CSMD1: variants seen among roughly 807,000 people sequenced by gnomAD.
The protein encoded by CSMD1 is CUB and Sushi multiple domains 1.
In CSMD1, 213 loss-of-function variants were observed where a neutral mutation model predicts 417.5. That is an observed-to-expected ratio of 0.51 (90% CI 0.46 to 0.57). The LOEUF is 0.57. Ranked by LOEUF, CSMD1 falls within the 20% of genes least tolerant of loss-of-function variation. The probability of loss-of-function intolerance (pLI) is 0.00; values close to 1 mark genes in which losing one functional copy is unlikely to be tolerated. For missense variants in CSMD1, 6,923 were observed against 4,529.7 expected, an observed-to-expected ratio of 1.53 and a Z score of -15.17; for synonymous variants, 2,862 against 1,736.8, an observed-to-expected ratio of 1.65 and a Z score of -16.11.
intron 1 of CSMD1, among the ~76,000 whole-genome samples, chr8:4,803,982 G>A (rs1407895375): frequency 6.6e-6 from 1 of 152,170 alleles, no homozygotes; most frequent in Admixed American, 6.5e-5. Flanking sequence ...GTAAGTCAAA[G>A]ACGGCAGGAG....
chr8:4,412,023 G>A (rs1032689675), intron 3 of CSMD1, among the ~76,000 whole-genome samples: 1 of 145,210 alleles, frequency 6.9e-6, no homozygotes, highest in African/African-American at 2.5e-5. Flanking sequence ...TGTGTAGCCA[G>A]GGCAAATGAT....
chr8:3,572,311 G>A (rs1317709958), intron 10 of CSMD1, among the ~76,000 whole-genome samples: 1 of 152,174 alleles, frequency 6.6e-6, no homozygotes, highest in Non-Finnish European at 1.5e-5. Flanking sequence ...AGGAGCTTCA[G>A]GGAGCAGTTG....
chr8:4,256,146 T>C (rs770201237), intron 3 of CSMD1, among the ~76,000 whole-genome samples: 10 of 152,224 alleles, frequency 6.6e-5, no homozygotes, highest in Non-Finnish European at 1.5e-4. Flanking sequence ...CTAATCACTA[T>C]GTAGCCTGCC....
chr8:3,560,987 C>A (rs2088246221), intron 10 of CSMD1, among the ~76,000 whole-genome samples: 1 of 152,120 alleles, frequency 6.6e-6, no homozygotes, highest in African/African-American at 2.4e-5. Context: ...ATTACAGTGA[C>A]CACTCATTAT....
At chr8:4,544,181 C>G (rs1285641014) in intron 2 of CSMD1, among the ~76,000 whole-genome samples, 1 of 152,052 alleles carries the variant, frequency 6.6e-6, no homozygotes, top group African/African-American at 2.4e-5. Context: ...TATGTAAAAA[C>G]CATTGCCAAA....
chr8:4,799,779 T>C (rs1373638011), intron 1 of CSMD1, among the ~76,000 whole-genome samples: 1 of 151,942 alleles, frequency 6.6e-6, no homozygotes, highest in African/African-American at 2.4e-5. Context: ...CGTATAGGAA[T>C]GTCTCTTTAA....
At chr8:3,072,796 A>G (rs1197524412) in intron 49 of CSMD1, among the ~76,000 whole-genome samples, 1 of 152,178 alleles carries the variant, frequency 6.6e-6, no homozygotes, top group Non-Finnish European at 1.5e-5. Flanking sequence ...AGCTTGCCGA[A>G]TATCTGAATA....
chr8:4,802,148 C>G (rs960232266), intron 1 of CSMD1, among the ~76,000 whole-genome samples: 20 of 152,142 alleles, frequency 1.3e-4, no homozygotes, highest in African/African-American at 4.6e-4. Context: ...AATCGAAGAG[C>G]AATTGCACAA....
chr8:3,874,344 T>G (rs1241598105), intron 5 of CSMD1, among the ~76,000 whole-genome samples: 1 of 152,208 alleles, frequency 6.6e-6, no homozygotes, highest in Non-Finnish European at 1.5e-5. Context: ...AGTGAGGTTT[T>G]GAAAAATTGT....
chr8:3,507,816 A>G (rs1169230566), intron 10 of CSMD1, among the ~76,000 whole-genome samples: 5 of 152,184 alleles, frequency 3.3e-5, no homozygotes, highest in South Asian at 2.1e-4. Flanking sequence ...TTTGAGAAAT[A>G]TCTGTTCATA....
At chr8:4,524,262 A>C (rs1431411208) in intron 2 of CSMD1, among the ~76,000 whole-genome samples, 1 of 152,158 alleles carries the variant, frequency 6.6e-6, no homozygotes, top group African/African-American at 2.4e-5. Context: ...CAAAAAAAAA[A>C]AATGAAATAC....
intron 3 of CSMD1, among the ~76,000 whole-genome samples, chr8:4,183,022 G>A (rs180875658): frequency 1.3e-5 from 2 of 152,160 alleles, no homozygotes; most frequent in Non-Finnish European, 2.9e-5. Context: ...CATGGGATGA[G>A]TAGAAAGTAC....
At chr8:3,979,696 T>C (rs1585069762) in intron 5 of CSMD1, among the ~76,000 whole-genome samples, 1 of 152,174 alleles carries the variant, frequency 6.6e-6, no homozygotes, top group Non-Finnish European at 1.5e-5. Context: ...CAGGACGCAA[T>C]GCGTACCCAG....
intron 7 of CSMD1, among the ~76,000 whole-genome samples, chr8:3,690,877 A>C (rs1489568614): frequency 6.6e-6 from 1 of 152,238 alleles, no homozygotes; most frequent in Non-Finnish European, 1.5e-5. Context: ...CATTGATTTC[A>C]TTTAATGTAT....
chr8:4,509,820 T>C lies in CSMD1; in HGVS notation c.303-89755A>G, dbSNP rs540782268. Among the ~76,000 whole-genome samples the C allele has an allele frequency of 3.9e-5, 6 of 152,318 alleles. No individual in the cohort carries two copies. The South Asian group carries it at 1.0e-3, about 26-fold the overall frequency. On this transcript the variant is annotated intron_variant, in intron 2 of 69. Transcript: ENST00000635120. ...CATGACAGATATGGAAACTGAAGCA[T>C]TGGGATGTTAAATTGCCCCAAGATT...
At chr8:3,886,358 T>C (rs1806563281) in intron 5 of CSMD1, among the ~76,000 whole-genome samples, 1 of 152,210 alleles carries the variant, frequency 6.6e-6, no homozygotes, top group Non-Finnish European at 1.5e-5. Flanking sequence ...CCATTATATA[T>C]TTTTTAAACA....
At chr8:3,363,762 G>A (rs766769206) in intron 20 of CSMD1, among the ~76,000 whole-genome samples, 5 of 152,152 alleles carry the variant, frequency 3.3e-5, no homozygotes, top group Non-Finnish European at 7.3e-5. Context: ...GAGAATGACT[G>A]AGAAATGATG....
chr8:4,125,911 C>T (rs1802737356), intron 3 of CSMD1, among the ~76,000 whole-genome samples: 2 of 152,178 alleles, frequency 1.3e-5, no homozygotes, highest in South Asian at 4.1e-4. Context: ...CAGCCTCTGG[C>T]TCCAAGAGTA....
intron 1 of CSMD1, among the ~76,000 whole-genome samples, chr8:4,693,492 T>C (rs536700544): frequency 2.0e-5 from 3 of 152,342 alleles, no homozygotes; most frequent in African/African-American, 7.2e-5. Flanking sequence ...ACATTAGTCC[T>C]ATACTGTTCC....
Sources: allele counts gnomAD v4.1 joint callset (sites outside exome capture counted in the v4.1 genomes callset), GRCh38; gene constraint gnomAD v4.1.1; transcripts MANE v1.5; gene names NCBI Gene and HGNC (gene_info 2026-07-23, HGNC 2026-07-21).